Variants in SORCS3 observed in about 807,000 individuals in gnomAD.
The protein encoded by SORCS3 is sortilin related VPS10 domain containing receptor 3.
SORCS3 carries 57 observed loss-of-function variants against 146.3 expected under a neutral mutation model. That is an observed-to-expected ratio of 0.39 (90% CI 0.31 to 0.49). The LOEUF is 0.49. Ranked by LOEUF, SORCS3 falls within the 20% of genes least tolerant of loss-of-function variation. SORCS3 has a pLI of 0.92. For missense variants in SORCS3, 1,341 were observed against 1,575.5 expected (o/e 0.85, Z 2.52); for synonymous variants, 653 against 618.5 (o/e 1.06, Z -0.83).
chr10:104,934,590 A>T (rs918621577), intron 3 of SORCS3, among the ~76,000 whole-genome samples: 1 of 152,170 alleles, frequency 6.6e-6, no homozygotes, highest in African/African-American at 2.4e-5. Context: ...GGATGTGCGC[A>T]TAAGTGCACT....
At chr10:104,881,114 C>T (rs912966460) in intron 2 of SORCS3, among the ~76,000 whole-genome samples, 1 of 152,128 alleles carries the variant, frequency 6.6e-6, no homozygotes, top group East Asian at 1.9e-4. Context: ...ATCAGGAAAC[C>T]CATATTTAAT....
chr10:105,146,688 G>C (rs791121), intron 8 of SORCS3, among the ~76,000 whole-genome samples: 79,198 of 151,966 alleles, frequency 0.52, 20,952 homozygotes, highest in Middle Eastern at 0.56. Flanking sequence ...AGGTTTAAAA[G>C]CTGGTTCTGC....
intron 4 of SORCS3, among the ~76,000 whole-genome samples, chr10:105,021,176 T>G (rs1054634391): frequency 6.6e-6 from 1 of 152,174 alleles, no homozygotes; most frequent in African/African-American, 2.4e-5. Context: ...ATAAACAAAT[T>G]TATTGTCTCA....
At chr10:105,220,600 T>C (rs781129839) in intron 19 of SORCS3, among the ~76,000 whole-genome samples, 3 of 152,138 alleles carry the variant, frequency 2.0e-5, no homozygotes, top group Non-Finnish European at 4.4e-5. Context: ...AGCAGTGACT[T>C]TGAAGGTAAA....
chr10:105,169,056 C>A (rs1021021585), intron 13 of SORCS3, among the ~76,000 whole-genome samples: 2 of 152,086 alleles, frequency 1.3e-5, no homozygotes, highest in East Asian at 1.9e-4. Flanking sequence ...CTGTTCTAAA[C>A]CATTTACATG....
At chr10:105,201,007 C>G (rs1564783347) in intron 15 of SORCS3, 113 bp from the exon 16 acceptor site, 10 of 1,129,614 alleles carry the variant, frequency 8.9e-6, no homozygotes, top group South Asian at 6.2e-5. Context: ...AATGAGACTG[C>G]TACATAAAGT....
chr10:104,687,006 CATCT>C (rs1197663940), intron 1 of SORCS3, among the ~76,000 whole-genome samples: 1 of 152,112 alleles, frequency 6.6e-6, no homozygotes, highest in African/African-American at 2.4e-5. Context: ...CCCATCCTTC[CATCT>C]ATCTATTCAT....
chr10:105,187,963 A>G (rs188375869), intron 14 of SORCS3, among the ~76,000 whole-genome samples: 1 of 152,168 alleles, frequency 6.6e-6, no homozygotes, highest in East Asian at 1.9e-4. Flanking sequence ...CTATAATCCA[A>G]TTCTGAGCTT....
chr10:104,904,177 A>G (rs2018880012), intron 2 of SORCS3, among the ~76,000 whole-genome samples: 1 of 152,222 alleles, frequency 6.6e-6, no homozygotes, highest in African/African-American at 2.4e-5. Context: ...ACATTCTGGT[A>G]TGGAGATACA....
chr10:105,090,447 A>G (rs75898729), intron 6 of SORCS3, among the ~76,000 whole-genome samples: 190 of 152,338 alleles, frequency 1.2e-3, no homozygotes, highest in African/African-American at 4.4e-3. Context: ...CTTCTTACAC[A>G]AAATTGGACT....
chr10:104,745,955 C>T (rs999622573), intron 1 of SORCS3, among the ~76,000 whole-genome samples: 6 of 151,976 alleles, frequency 3.9e-5, no homozygotes, highest in African/African-American at 1.5e-4. Flanking sequence ...ATGCATATAC[C>T]ACATTTTCTT....
At chr10:105,118,096 C>A (rs972880218) in intron 7 of SORCS3, among the ~76,000 whole-genome samples, 4 of 152,004 alleles carry the variant, frequency 2.6e-5, no homozygotes, top group African/African-American at 7.3e-5. Flanking sequence ...TGGCTGTGTC[C>A]CCAGCCAAAT....
chr10:105,118,540 G>A (rs2055909086), intron 7 of SORCS3, among the ~76,000 whole-genome samples: 1 of 152,196 alleles, frequency 6.6e-6, no homozygotes, highest in Admixed American at 6.5e-5. Flanking sequence ...TGGGTAACAG[G>A]CAGAGGTTGG....
intron 1 of SORCS3, among the ~76,000 whole-genome samples, chr10:104,785,085 C>G (rs1274767386): frequency 6.6e-6 from 1 of 152,150 alleles, no homozygotes; most frequent in Non-Finnish European, 1.5e-5. Flanking sequence ...GGCTGACCCC[C>G]CCCCACCTCC....
At chr10:105,072,318 A>T (rs578169584) in intron 5 of SORCS3, among the ~76,000 whole-genome samples, 7 of 152,310 alleles carry the variant, frequency 4.6e-5, no homozygotes, top group African/African-American at 1.7e-4. Context: ...TTTCTGAATC[A>T]GAGAAATTAA....
intron 2 of SORCS3, among the ~76,000 whole-genome samples, chr10:104,849,236 C>A (rs2018242711): frequency 6.6e-6 from 1 of 151,810 alleles, no homozygotes; most frequent in Non-Finnish European, 1.5e-5. Context: ...CATGGTGAAA[C>A]CGTGTCTCTA....
At chr10:104,709,309 C>A (rs565725005) in intron 1 of SORCS3, among the ~76,000 whole-genome samples, 36 of 152,206 alleles carry the variant, frequency 2.4e-4, no homozygotes, top group African/African-American at 7.0e-4. Flanking sequence ...TGTGTCCCTG[C>A]ATAGCAGGAA....
At chr10:104,997,927 A>C (rs2055037128) in intron 4 of SORCS3, among the ~76,000 whole-genome samples, 1 of 152,190 alleles carries the variant, frequency 6.6e-6, no homozygotes, top group African/African-American at 2.4e-5. Flanking sequence ...TTGGAACCTT[A>C]GGGACCCAGT....
intron 5 of SORCS3, among the ~76,000 whole-genome samples, chr10:105,077,248 C>T (rs533254849): frequency 6.6e-6 from 1 of 152,136 alleles, no homozygotes; most frequent in Non-Finnish European, 1.5e-5. Context: ...ACATGAGATG[C>T]ACTCTAATAT....
Sources: allele counts gnomAD v4.1 joint callset (sites outside exome capture counted in the v4.1 genomes callset), GRCh38; gene constraint gnomAD v4.1.1; transcripts MANE v1.5; gene names NCBI Gene and HGNC (gene_info 2026-07-23, HGNC 2026-07-21).